Variants in CCNJL observed in about 807,000 individuals in gnomAD.
CCNJL encodes the protein cyclin-J-like protein.
A neutral mutation model predicts 33.4 loss-of-function variants in CCNJL; 33 were observed. The ratio of observed to expected loss-of-function variants is 0.99; its 90% confidence interval spans 0.75 to 1.32. CCNJL has a LOEUF of 1.32. Ranked by LOEUF, CCNJL falls within the 40% of genes most tolerant of loss-of-function variation. The pLI, the probability that CCNJL is intolerant of heterozygous loss-of-function variation, is 0.00. For missense variants in CCNJL, 512 were observed against 499.7 expected (o/e 1.02, Z -0.23); for synonymous variants, 227 against 220.9 (o/e 1.03, Z -0.24).
intron 3 of CCNJL, among the ~76,000 whole-genome samples, chr5:160,260,187 C>G (rs1427641121): frequency 2.0e-5 from 3 of 152,190 alleles, no homozygotes; most frequent in Non-Finnish European, 4.4e-5. Flanking sequence ...TGGCCCTAAC[C>G]AATCCAACCT....
At chr5:160,276,201 C>G (rs1561785569) in intron 3 of CCNJL, 1 of 151,818 alleles carries the variant, frequency 6.6e-6, no homozygotes, top group Non-Finnish European at 1.5e-5. Flanking sequence ...TCGAGACTAA[C>G]CTGGCCAACA....
intron 1 of CCNJL, among the ~76,000 whole-genome samples, chr5:160,328,589 T>C (rs1763567588): frequency 6.8e-6 from 1 of 147,162 alleles, no homozygotes; most frequent in African/African-American, 2.6e-5. Context: ...AGATACTGTC[T>C]CTTAAAAAAA....
At chr5:160,255,086 G>T (rs1760992972) in intron 5 of CCNJL, 1 of 152,488 alleles carries the variant, frequency 6.6e-6, no homozygotes, top group Non-Finnish European at 1.5e-5. Flanking sequence ...AAGCTGAGGT[G>T]GGTGGATCAT....
At position 160,253,278 on chromosome 5, in the gene CCNJL, G is replaced by T; in HGVS notation, c.*100C>A. 1.6e-6 allele frequency: 2 copies of T among 1,213,842 alleles called. No homozygotes were observed. Among genetic ancestry groups the T allele is most frequent in the Non-Finnish European group, 2.3e-6 (2 of 879,182 alleles). 75.2% of individuals were successfully genotyped at this position (1,213,842 alleles called of 1,614,324 possible). ...ACCCTCCACGTTCCAAGGCTCTTCA[G>T]GGATGGCCTCCTGCTGCCTCACTTG... On this transcript the variant is annotated 3_prime_UTR_variant, in exon 6 of 6. Transcript: ENST00000257536.
intron 2 of CCNJL, among the ~76,000 whole-genome samples, chr5:160,292,307 C>T (rs535872986): frequency 3.5e-4 from 54 of 152,116 alleles, no homozygotes; most frequent in Admixed American, 1.1e-3. Flanking sequence ...TCTATACATA[C>T]AGATAGATAT....
At chr5:160,331,124 C>T (rs566704049) in intron 1 of CCNJL, among the ~76,000 whole-genome samples, 6 of 152,286 alleles carry the variant, frequency 3.9e-5, no homozygotes, top group African/African-American at 1.4e-4. Context: ...CTCGACCACT[C>T]ACCACTTATC....
Position 160,259,614 on chromosome 5 carries a change from C to A in CCNJL, c.438G>T (p.Thr146=). ...GGTAGTAGTCCAGGAAGTGGGCAGG[C>A]GTGGGCAGGCAGAGGTTCCAGCTGA... is the stretch of plus-strand genomic sequence containing the variant. ...EAFSWNLCLP[T]PAHFLDYYLL... is the part of the protein sequence containing the mutation. Residue 146 remains threonine, a synonymous_variant, in exon 4 of 6, where the codon ACG becomes ACT. Transcript: ENST00000257536. The A allele has an allele frequency of 1.2e-6, 2 of 1,614,064 alleles. No homozygotes were observed. Among genetic ancestry groups the A allele is most frequent in the East Asian group, 2.2e-5 (1 of 44,884 alleles).
At chr5:160,338,826 C>G (rs55637915) in intron 1 of CCNJL, among the ~76,000 whole-genome samples, 2 of 152,022 alleles carry the variant, frequency 1.3e-5, no homozygotes. Flanking sequence ...AAGTCTGGCT[C>G]TGTCACCCAG....
chr5:160,286,955 C>A (rs1762426939), intron 2 of CCNJL, among the ~76,000 whole-genome samples: 1 of 152,180 alleles, frequency 6.6e-6, no homozygotes, highest in Non-Finnish European at 1.5e-5. Flanking sequence ...GGCACAGATG[C>A]AGACATTCAA....
chr5:160,303,538 A>T (rs1453959760), intron 2 of CCNJL, among the ~76,000 whole-genome samples: 1 of 148,934 alleles, frequency 6.7e-6, no homozygotes, highest in Non-Finnish European at 1.5e-5. Flanking sequence ...AAAAAAAAAA[A>T]TCCAAAATAA....
In CCNJL at chr5:160,251,344, A is replaced by G; in HGVS notation, c.*2034T>C. The stretch of plus-strand genomic sequence containing the variant: ...CCTGCTGACATGCCCCACAAATTTT[A>G]GACCACAGCCTCTGCAATCACATGA... On this transcript the variant is annotated 3_prime_UTR_variant, in exon 6 of 6. Transcript: ENST00000257536. The G allele has an allele frequency of 6.6e-6, 1 of 152,358 alleles. No individual in the cohort carries two copies. The highest frequency in any genetic ancestry group is 1.5e-5 in the Non-Finnish European group (1 of 68,054). The allele number at this position is 152,358 out of a possible 1,614,324, so 9.4% of individuals were successfully genotyped here. A position where few individuals can be genotyped will look rare whatever the true frequency, so the allele number is the denominator to read the frequency against.
At chr5:160,282,744 C>A (rs571747856) in intron 2 of CCNJL, among the ~76,000 whole-genome samples, 1 of 151,440 alleles carries the variant, frequency 6.6e-6, no homozygotes, top group South Asian at 2.1e-4. Context: ...CAAATTAAAA[C>A]CCTGATAAGA....
rs1761191872 is a variant in CCNJL at position 160,258,843 on chromosome 5, T to C, written c.583+626A>G. ...TCCCAAATAGCTGGGACTACAGGCA[T>C]GCACCACCACACCCGGTTAATATTT... On this transcript the variant is annotated intron_variant, in intron 4 of 5. Transcript: ENST00000257536. 3.9e-5 allele frequency among the ~76,000 whole-genome samples: 6 copies of C among 152,178 alleles called. No individual in the cohort carries two copies. In the South Asian group the frequency reaches 1.2e-3, roughly 32 times the overall value.
At chr5:160,331,823 A>G (rs1182749315) in intron 1 of CCNJL, among the ~76,000 whole-genome samples, 3 of 152,142 alleles carry the variant, frequency 2.0e-5, no homozygotes, top group Non-Finnish European at 4.4e-5. Context: ...TGGCTGAGCA[A>G]GCCTACTATA....
chr5:160,274,484 G>A (rs1305723698), intron 3 of CCNJL, among the ~76,000 whole-genome samples: 1 of 152,280 alleles, frequency 6.6e-6, no homozygotes, highest in Non-Finnish European at 1.5e-5. Flanking sequence ...CTGTAGTAAG[G>A]AGATGGGCCT....
In CCNJL at chr5:160,305,229, C is replaced by T. The variant is rs1316112990; in HGVS notation, c.66+6629G>A. On this transcript the variant is annotated intron_variant, in intron 2 of 5. Coordinates refer to ENST00000257536, the MANE Select transcript of CCNJL (RefSeq NM_001308173.3). ...ATGTTGAAAGAGAGAAATAAAAGGA[C>T]GTGCAAGCTTCAGGAGTCACTAAAA... Among the ~76,000 whole-genome samples the T allele has an allele frequency of 5.3e-5, 8 of 152,206 alleles. No homozygotes were observed. The South Asian group carries it at 1.0e-3, about 20-fold the overall frequency.
intron 3 of CCNJL, among the ~76,000 whole-genome samples, chr5:160,268,197 G>T (rs571597629): frequency 1.3e-3 from 204 of 152,350 alleles, no homozygotes; most frequent in Non-Finnish European, 1.8e-3. Context: ...CAGATTTTGA[G>T]CAATTGATGG....
chr5:160,307,254 T>C (rs996022167), intron 2 of CCNJL, among the ~76,000 whole-genome samples: 3 of 152,138 alleles, frequency 2.0e-5, no homozygotes, highest in African/African-American at 7.2e-5. Flanking sequence ...AATGCCAAGG[T>C]AACAAGGCAC....
chr5:160,321,014 CTTTCTTT>C lies in CCNJL; in HGVS notation n.207-5516_207-5510del, dbSNP rs1763449454. On this transcript the variant is annotated intron_variant and non_coding_transcript_variant, in intron 1 of 7. Coordinates refer to the CCNJL transcript ENST00000377503. ...TCTTTCTTTCTCTCTCTCTCTCTCT[CTTTCTTT>C]CTTTCTTTCTTTCTTTCTTTCTTTC... Among the ~76,000 whole-genome samples the C allele has an allele frequency of 1.8e-3, 63 of 35,968 alleles. 2 individuals carry two copies. Among genetic ancestry groups the C allele is most frequent in the African/African-American group, 7.3e-3 (60 of 8,168 alleles). 23.6% of individuals were successfully genotyped at this position (35,968 alleles called of 152,430 possible). A position where few individuals can be genotyped will look rare whatever the true frequency, so the allele number is the denominator to read the frequency against.
Sources: gnomAD v4.1 joint callset for allele counts (sites outside exome capture counted in the v4.1 genomes callset) on GRCh38, gnomAD v4.1.1 for gene constraint, MANE v1.5 for transcripts, NCBI Gene and HGNC (gene_info 2026-07-23, HGNC 2026-07-21) for gene names.